Variants in ANKRD26 observed in about 807,000 individuals in gnomAD.
The protein encoded by ANKRD26 is ankyrin repeat domain 26, also known as ankyrin repeat domain-containing protein 26.
ANKRD26 carries 141 observed loss-of-function variants against 208.7 expected under a neutral mutation model. That is an observed-to-expected ratio of 0.68 (90% CI 0.59 to 0.78). ANKRD26 has a LOEUF of 0.78. Among genes scored for constraint, ANKRD26 ranks in the 30% least tolerant of loss-of-function variants. The pLI is 0.00. For synonymous variants in ANKRD26, 636 were observed against 660.4 expected, an observed-to-expected ratio of 0.96 and a Z score of 0.57; for missense variants, 1,889 against 1,938.7, an observed-to-expected ratio of 0.97 and a Z score of 0.48.
chr10:26,988,950 T>C (rs996802059), downstream of ANKRD26, among the ~76,000 whole-genome samples: 1 of 151,616 alleles, frequency 6.6e-6, no homozygotes, highest in Non-Finnish European at 1.5e-5. Flanking sequence ...CTACAAAGAA[T>C]ATGGTGGTGG....
the ANKRD26 span, among the ~76,000 whole-genome samples, chr10:26,960,618 TACA>T: frequency 1.3e-5 from 2 of 152,264 alleles, no homozygotes; most frequent in East Asian, 1.9e-4. Context: ...GGCTGTTCAT[TACA>T]ACATGTTGGT....
intron 4 of ANKRD26, 141 bp from the exon 5 acceptor site, chr10:27,086,750 A>C: frequency 1.2e-6 from 1 of 822,462 alleles, no homozygotes; most frequent in Non-Finnish European, 1.7e-6. Context: ...CAAATATGTA[A>C]GCTCTACAAA....
Position 27,017,538 on chromosome 10 carries a change from T to C in ANKRD26, c.4470A>G (p.Ile1490Met). 1 of 1,613,714 alleles carries C rather than the reference T, an allele frequency of 6.2e-7. No homozygotes were observed. Residue 1490 changes from isoleucine to methionine, a missense_variant, in exon 30 of 34, where the codon ATA (isoleucine) becomes ATG (methionine). Coordinates refer to ENST00000376087, the MANE Select transcript of ANKRD26 (RefSeq NM_014915.3). Reference sequence around the variant, plus strand: ...GATTGACTTCTTTTAATTTTTCTGCTATTTCCTGTCTTGCTCTTTCTTCAA... The same window carrying C: ...GATTGACTTCTTTTAATTTTTCTGCCATTTCCTGTCTTGCTCTTTCTTCAA... ...QEIEERARQE[I>M]AEKLKEVNLF...
the ANKRD26 span, among the ~76,000 whole-genome samples, chr10:26,959,464 C>T: frequency 1.3e-5 from 2 of 152,092 alleles, no homozygotes; most frequent in South Asian, 2.1e-4. Context: ...ATCAGAAGTC[C>T]TTGATTATGA....
chr10:27,052,161 C>T (rs12762165), intron 16 of ANKRD26: 79,848 of 977,050 alleles, frequency 0.082, 3,779 homozygotes, highest in East Asian at 0.29. Flanking sequence ...TAATCAAGTA[C>T]GGACAAAGAA....
chr10:26,998,612 G>A (rs546235688), intron 4 of ANKRD26, among the ~76,000 whole-genome samples: 8 of 152,366 alleles, frequency 5.3e-5, no homozygotes, highest in South Asian at 2.1e-4. Context: ...CTTTATGGAA[G>A]TCAGGAAATT....
Position 27,035,013 on chromosome 10 carries a change from A to T in ANKRD26, c.3437T>A (p.Leu1146His). The T allele has an allele frequency of 6.2e-7, 1 of 1,614,018 alleles. No individual in the cohort carries two copies. The highest frequency in any genetic ancestry group is 1.3e-5 in the African/African-American group (1 of 75,046). Residue 1146 changes from leucine to histidine, a missense_variant, in exon 24 of 34, where the codon CTT becomes CAT. Leu to His is a moderately conservative substitution (Grantham distance 99). Around this residue, in one of 3 missense-constraint regions of ANKRD26, gnomAD observed 613 missense variants for 648.2 expected, o/e 0.95. Transcript: ENST00000376087. Reference sequence around the variant, plus strand: ...GTGGGCATCATCCAGTTGTTGTCGAAGCAACATATTCTCACTTTGTAGTTG... The same window carrying T: ...GTGGGCATCATCCAGTTGTTGTCGATGCAACATATTCTCACTTTGTAGTTG... ...LSQLQSENML[L>H]RQQLDDAHNK... is the part of the protein sequence containing the mutation.
intron 32 of ANKRD26, 59 bp from the exon 33 acceptor site, chr10:27,007,021 AAATGATG>A: frequency 1.6e-6 from 2 of 1,282,304 alleles, no homozygotes; most frequent in Non-Finnish European, 2.3e-6. Flanking sequence ...ATTAACATAG[AAATGATG>A]TATCACTTAC....
Position 27,046,511 on chromosome 10 carries a change from G to C in ANKRD26, c.1827C>G (p.Ala609=), listed in dbSNP as rs2054451251. The C allele has an allele frequency of 1.9e-6, 3 of 1,613,402 alleles. No homozygotes were observed. In the East Asian group the frequency reaches 6.7e-5, roughly 36 times the overall value. ...TGCTCTTTACTTCCTTCATTTGCAA[G>C]GCAGGACCACTACTTTAAAAAATCC... ...ENKEYASSGP[A]LQMKEVKSTE... Residue 609 remains alanine, a synonymous_variant, in exon 18 of 34, where the codon GCC becomes GCG. Transcript: ENST00000376087.
rs1369252571 is a variant in ANKRD26 at position 27,051,663 on chromosome 10, C to CTT, written c.1635+1656_1635+1657insAA. On this transcript the variant is annotated intron_variant, in intron 16 of 33. Coordinates refer to ENST00000376087, the MANE Select transcript of ANKRD26 (RefSeq NM_014915.3). ...TGACTGGCAAGCATATTCTGGGGAC[C>CTT]CAGAGTATGAAGGAAATGAAAAGCC... 12 of 985,158 alleles carry CTT rather than the reference C, an allele frequency of 1.2e-5. No individual in the cohort carries two copies. The African/African-American group carries it at 1.9e-4, about 16-fold the overall frequency. The allele number at this position is 985,158 out of a possible 1,614,324, so 61.0% of individuals were successfully genotyped here. A position where few individuals can be genotyped will look rare whatever the true frequency, so the allele number is the denominator to read the frequency against.
intron 32 of ANKRD26, among the ~76,000 whole-genome samples, chr10:27,009,973 G>A (rs1264576168): frequency 2.0e-5 from 3 of 152,140 alleles, no homozygotes; most frequent in Non-Finnish European, 4.4e-5. Flanking sequence ...TTCATAACCA[G>A]TAGTTTTCAA....
At chr10:26,964,140 A>T in the ANKRD26 span, among the ~76,000 whole-genome samples, 1 of 151,262 alleles carries the variant, frequency 6.6e-6, no homozygotes, top group African/African-American at 2.4e-5. Flanking sequence ...AACTCCTAAC[A>T]TCAAATGGTC....
chr10:26,981,049 A>AT (rs1168767105), intron 4 of ANKRD26, among the ~76,000 whole-genome samples: 1 of 151,936 alleles, frequency 6.6e-6, no homozygotes, highest in Non-Finnish European at 1.5e-5. Flanking sequence ...TTGTGCATGC[A>AT]TTTTCCATCC....
At chr10:26,988,907 C>A (rs1231390895), downstream of ANKRD26, among the ~76,000 whole-genome samples, 1 of 151,526 alleles carries the variant, frequency 6.6e-6, no homozygotes, top group African/African-American at 2.4e-5. Flanking sequence ...GTATCTTCTC[C>A]TGTTCGTTTT....
chr10:27,037,271 G>C lies in ANKRD26; in HGVS notation c.2612C>G (p.Ala871Gly). Residue 871 changes from alanine (A) to glycine (G), a missense_variant, in exon 23 of 34, where the codon GCC becomes GGC. Transcript: ENST00000376087. ...AQRQLSREQN[A>G]RMLQDGILTN... is the part of the protein sequence containing the mutation. The stretch of plus-strand genomic sequence containing the variant: ...CAGAATTCCATCTTGTAACATTCTG[G>C]CATTCTGTTCTCGAGAAAGTTGCCT... The C allele has an allele frequency of 6.2e-7, 1 of 1,613,730 alleles. No individual in the cohort carries two copies. Among genetic ancestry groups the C allele is most frequent in the Non-Finnish European group, 8.5e-7 (1 of 1,179,806 alleles).
chr10:27,034,935 T>A lies in ANKRD26; in HGVS notation c.3515A>T (p.His1172Leu), dbSNP rs771255692. 5.0e-6 allele frequency: 8 copies of A among 1,614,100 alleles called. No homozygotes were observed. The highest frequency in any genetic ancestry group is 1.7e-5 in the Admixed American group (1 of 60,026). The change falls in exon 24 of 34, where the codon CAT (histidine) becomes CTT (leucine). Residue 1172 changes from histidine to leucine, a missense_variant. Coordinates refer to ENST00000376087, the MANE Select transcript of ANKRD26 (RefSeq NM_014915.3). ...AGCTTGAAGTTTTTGCACAATAGCA[T>A]GAAACTGGTCTTGGATATTAATCAC... ...KTVINIQDQF[H>L]AIVQKLQAES...
chr10:27,027,220 T>A (rs1465413012), intron 27 of ANKRD26, among the ~76,000 whole-genome samples: 1 of 152,218 alleles, frequency 6.6e-6, no homozygotes, highest in Non-Finnish European at 1.5e-5. Context: ...TTTTTCTTTT[T>A]TAAAATCCAA....
the ANKRD26 span, among the ~76,000 whole-genome samples, chr10:26,951,019 C>CTTTTTTTTTTTTTTTTT: frequency 3.7e-4 from 18 of 48,578 alleles, no homozygotes; most frequent in East Asian, 9.0e-4. Context: ...TTTTCTTTTT[C>CTTTTTTTTTTTTTTTTT]TTTTTTTTTT....
chr10:27,025,345 A>G (rs1179890872), intron 27 of ANKRD26, among the ~76,000 whole-genome samples: 2 of 151,970 alleles, frequency 1.3e-5, no homozygotes, highest in African/African-American at 4.8e-5. Flanking sequence ...AATTTATTTC[A>G]TATTTTTTAG....
Sources: gnomAD v4.1 joint callset for allele counts (sites outside exome capture counted in the v4.1 genomes callset) on GRCh38, gnomAD v4.1.1 for gene constraint, gnomAD v4.1.1 regional missense constraint, MANE v1.5 for transcripts, NCBI Gene and HGNC (gene_info 2026-07-23, HGNC 2026-07-21) for gene names.